Variants in ME1 observed in about 807,000 individuals in gnomAD.
ME1 encodes the protein NADP-dependent malic enzyme.
ME1 carries 74 observed loss-of-function variants against 66.4 expected under a neutral mutation model. That is an observed-to-expected ratio of 1.11 (90% confidence interval 0.92 to 1.35). The LOEUF (loss-of-function observed/expected upper bound fraction) is 1.35, where lower values mean the gene tolerates loss of function less well. Ranked by LOEUF, ME1 falls within the 40% of genes most tolerant of loss-of-function variation. The pLI, the probability that ME1 is intolerant of heterozygous loss-of-function variation, is 0.00. For synonymous variants in ME1, 251 were observed against 235.6 expected, an observed-to-expected ratio of 1.07 and a Z score of -0.60; for missense variants, 750 against 694.1, an observed-to-expected ratio of 1.08 and a Z score of -0.90.
chr6:83,304,247 G>C (rs1767784620), intron 6 of ME1, among the ~76,000 whole-genome samples: 2 of 152,076 alleles, frequency 1.3e-5, no homozygotes, highest in Admixed American at 1.3e-4. Context: ...CAAAGTGCAA[G>C]TTTTACTTAT....
At chr6:83,421,727 G>T (rs1028614446) in intron 1 of ME1, among the ~76,000 whole-genome samples, 1 of 152,120 alleles carries the variant, frequency 6.6e-6, no homozygotes, top group African/African-American at 2.4e-5. Context: ...AATCAGAAAG[G>T]GGGTGCTTAA....
chr6:83,295,881 T>C (rs878860944), intron 6 of ME1, among the ~76,000 whole-genome samples: 1 of 152,084 alleles, frequency 6.6e-6, no homozygotes, highest in Non-Finnish European at 1.5e-5. Context: ...CAGAGACTAT[T>C]ATGAACACCT....
intron 6 of ME1, 48 bp from the exon 7 acceptor site, chr6:83,253,786 T>C (rs1343453779): frequency 2.1e-6 from 2 of 971,962 alleles, no homozygotes; most frequent in Non-Finnish European, 3.2e-6. Flanking sequence ...AAAATGCTAT[T>C]TAAAAATAAA....
chr6:83,383,541 C>G (rs1021027532), intron 3 of ME1, among the ~76,000 whole-genome samples: 4 of 151,772 alleles, frequency 2.6e-5, no homozygotes, highest in African/African-American at 9.7e-5. Flanking sequence ...TGGAAAGAAT[C>G]CTAAGGTAAC....
chr6:83,214,776 C>T (rs1299989851), intron 13 of ME1, among the ~76,000 whole-genome samples: 1 of 152,140 alleles, frequency 6.6e-6, no homozygotes, highest in Non-Finnish European at 1.5e-5. Context: ...TAAAATGGTA[C>T]ATTTGAATGT....
chr6:83,219,936 T>C (rs188627053), intron 12 of ME1, among the ~76,000 whole-genome samples: 2 of 152,182 alleles, frequency 1.3e-5, no homozygotes, highest in Admixed American at 1.3e-4. Flanking sequence ...CATGGCCAAA[T>C]GGAAGCAAAA....
In ME1 at chr6:83,368,758, T is replaced by A. The variant is rs60595098; in HGVS notation, c.363-16619A>T. ...CACTGGATAAAAATAGGAGTTTTAGTCATGGCTATGAATCCTTAGAACAGT... is the reference window on the plus strand; with the variant it reads ...CACTGGATAAAAATAGGAGTTTTAGACATGGCTATGAATCCTTAGAACAGT... On this transcript the variant is annotated intron_variant, in intron 3 of 13. Transcript: ENST00000369705. Among the ~76,000 whole-genome samples the A allele has an allele frequency of 5.8e-3, 888 of 152,130 alleles. 8 individuals are homozygous for A. The highest frequency in any genetic ancestry group is 0.02 in the African/African-American group (849 of 41,526).
At chr6:83,322,710 G>A (rs1768202016) in intron 5 of ME1, among the ~76,000 whole-genome samples, 1 of 152,112 alleles carries the variant, frequency 6.6e-6, no homozygotes, top group African/African-American at 2.4e-5. Context: ...GGGGAGAATG[G>A]AACCAAGTTG....
At chr6:83,314,038 G>A (rs1767979284) in intron 6 of ME1, among the ~76,000 whole-genome samples, 1 of 152,130 alleles carries the variant, frequency 6.6e-6, no homozygotes, top group African/African-American at 2.4e-5. Context: ...TTCTAGTGAT[G>A]ACTTTATTTC....
intron 6 of ME1, among the ~76,000 whole-genome samples, chr6:83,268,588 CAG>C (rs1442417029): frequency 6.6e-6 from 1 of 151,940 alleles, no homozygotes; most frequent in African/African-American, 2.4e-5. Context: ...TTTTTCGAGA[CAG>C]AGTCTCACTT....
chr6:83,256,643 A>G (rs985440354), intron 6 of ME1, among the ~76,000 whole-genome samples: 7 of 152,082 alleles, frequency 4.6e-5, no homozygotes, highest in African/African-American at 1.7e-4. Context: ...CGGTTCCTCA[A>G]GGATCTAGAA....
intron 6 of ME1, among the ~76,000 whole-genome samples, chr6:83,254,913 T>A (rs149604787): frequency 5.5e-4 from 83 of 152,266 alleles, no homozygotes; most frequent in African/African-American, 1.9e-3. Context: ...ACAGAGAATG[T>A]TAAACCTTGC....
intron 1 of ME1, among the ~76,000 whole-genome samples, chr6:83,416,514 C>A (rs1180837914): frequency 6.6e-6 from 1 of 152,102 alleles, no homozygotes; most frequent in African/African-American, 2.4e-5. Context: ...ATTAAGGAGG[C>A]CTGAACTTGG....
chr6:83,235,954 T>C (rs7770254), intron 9 of ME1, among the ~76,000 whole-genome samples: 1 of 152,074 alleles, frequency 6.6e-6, no homozygotes, highest in East Asian at 1.9e-4. Flanking sequence ...AAATTCAAAA[T>C]ATATAAAAAA....
intron 12 of ME1, among the ~76,000 whole-genome samples, chr6:83,217,348 C>T (rs949982735): frequency 1.3e-5 from 2 of 152,140 alleles, no homozygotes; most frequent in African/African-American, 2.4e-5. Context: ...AGGAAACCTT[C>T]CTCTTTTGTA....
chr6:83,340,681 A>AT (rs59194661), intron 5 of ME1, among the ~76,000 whole-genome samples: 60,862 of 146,806 alleles, frequency 0.41, 12,787 homozygotes, highest in Middle Eastern at 0.57. Context: ...GTTATGTGCT[A>AT]TTTTTTTTTT....
chr6:83,304,501 A>G (rs1767790392), intron 6 of ME1, among the ~76,000 whole-genome samples: 2 of 152,204 alleles, frequency 1.3e-5, no homozygotes, highest in Admixed American at 1.3e-4. Flanking sequence ...ATTGGTCAAC[A>G]AAACTTTAAC....
intron 6 of ME1, among the ~76,000 whole-genome samples, chr6:83,286,608 C>A (rs891645608): frequency 1.3e-5 from 2 of 151,906 alleles, no homozygotes; most frequent in African/African-American, 4.8e-5. Context: ...AGAAAATATC[C>A]TTTTTAATAC....
chr6:83,387,995 C>T (rs930866260), intron 3 of ME1, among the ~76,000 whole-genome samples: 6 of 152,018 alleles, frequency 3.9e-5, no homozygotes, highest in East Asian at 1.9e-4. Context: ...GACCCTTCTA[C>T]TTGGAAGTCC....
Sources: allele counts gnomAD v4.1 joint callset (sites outside exome capture counted in the v4.1 genomes callset), GRCh38; gene constraint gnomAD v4.1.1; transcripts MANE v1.5; gene names NCBI Gene and HGNC (gene_info 2026-07-23, HGNC 2026-07-21).